The following CD53 variants were observed in gnomAD, a reference collection of about 807,000 sequenced individuals.
CD53 encodes the protein leukocyte surface antigen CD53.
Under a neutral mutation model 27.3 loss-of-function variants are expected in CD53, and 20 were observed. The observed-to-expected ratio is 0.73, with a 90% CI of 0.52 to 1.07. CD53 has a LOEUF of 1.07. CD53 is among the 50% of genes least tolerant of loss of function. CD53 has a pLI of 0.00. For missense variants in CD53, 216 were observed against 264.0 expected, an observed-to-expected ratio of 0.82 and a Z score of 1.26; for synonymous variants, 106 against 105.3, an observed-to-expected ratio of 1.01 and a Z score of -0.04.
intron 1 of CD53, among the ~76,000 whole-genome samples, chr1:110,878,914 G>A (rs771257585): frequency 6.6e-6 from 1 of 152,122 alleles, no homozygotes; most frequent in African/African-American, 2.4e-5. Context: ...TACAGAAACT[G>A]TACTTGCATT....
chr1:110,899,181 A>G lies in CD53; in HGVS notation c.646A>G (p.Thr216Ala). 2.5e-6 allele frequency: 4 copies of G among 1,613,032 alleles called. No individual in the cohort carries two copies. Among genetic ancestry groups the G allele is most frequent in the Non-Finnish European group, 3.4e-6 (4 of 1,179,054 alleles). ...LNCQIDKTSQ[T>A]IGL ...CTGCCAGATTGACAAAACCAGCCAG[A>G]CCATAGGGCTATGATCTGCAGTAGT... The change falls in exon 8 of 8, where the codon ACC becomes GCC. Residue 216 changes from threonine to alanine, a missense_variant. By Grantham distance (58) the Thr-to-Ala change is moderately conservative. Coordinates refer to ENST00000271324, the MANE Select transcript of CD53 (RefSeq NM_000560.4).
intron 1 of CD53, among the ~76,000 whole-genome samples, chr1:110,878,763 T>A (rs930739141): frequency 6.6e-6 from 1 of 152,204 alleles, no homozygotes; most frequent in Non-Finnish European, 1.5e-5. Context: ...TGTGCTTACA[T>A]TTGCCTTTTA....
chr1:110,897,526 G>A (rs1442396056), intron 6 of CD53: 3 of 273,138 alleles, frequency 1.1e-5, no homozygotes, highest in Non-Finnish European at 2.1e-5. Flanking sequence ...GTAGGACGTC[G>A]GTTGCTGACC....
At chr1:110,894,864 G>C (rs1656995612) in intron 4 of CD53, 96 bp from the exon 5 acceptor site, 1 of 885,248 alleles carries the variant, frequency 1.1e-6, no homozygotes, top group Admixed American at 1.8e-5. Context: ...TGGAAGGGAA[G>C]CGCAAGTGGA....
chr1:110,888,191 A>G (rs551494452), intron 1 of CD53, among the ~76,000 whole-genome samples: 1 of 152,354 alleles, frequency 6.6e-6, no homozygotes, highest in South Asian at 2.1e-4. Flanking sequence ...TCTGACCTTC[A>G]GAACTGTAAA....
At chr1:110,877,574 G>A (rs529902387) in intron 1 of CD53, among the ~76,000 whole-genome samples, 15 of 152,294 alleles carry the variant, frequency 9.8e-5, no homozygotes, top group African/African-American at 3.6e-4. Context: ...GGGAGGAAGT[G>A]AGCTTCCAAG....
intron 1 of CD53, among the ~76,000 whole-genome samples, chr1:110,889,643 G>A (rs1466781729): frequency 6.6e-6 from 1 of 152,104 alleles, no homozygotes; most frequent in African/African-American, 2.4e-5. Context: ...CTGTATGCCA[G>A]TCTGTGTGAT....
chr1:110,874,438 C>T (rs745375753), intron 1 of CD53, among the ~76,000 whole-genome samples: 48 of 152,128 alleles, frequency 3.2e-4, no homozygotes, highest in Non-Finnish European at 3.4e-4. Context: ...AGCAAACAGT[C>T]CTACTCTTAA....
At chr1:110,896,553 TAG>T (rs1158925894) in intron 5 of CD53, 98 bp from the exon 6 acceptor site, 12 of 1,070,076 alleles carry the variant, frequency 1.1e-5, no homozygotes, top group Non-Finnish European at 1.7e-5. Flanking sequence ...ACTTCTGCTA[TAG>T]AGTCAGATCT....
At chr1:110,883,446 T>C (rs1378199779) in intron 1 of CD53, among the ~76,000 whole-genome samples, 1 of 152,002 alleles carries the variant, frequency 6.6e-6, no homozygotes, top group East Asian at 1.9e-4. Context: ...CGTTAGATGC[T>C]TTTTACTAAA....
At chr1:110,880,212 G>A (rs1222502381) in intron 1 of CD53, 1 of 152,152 alleles carries the variant, frequency 6.6e-6, no homozygotes, top group Non-Finnish European at 1.5e-5. Context: ...CTAGATGGTA[G>A]TTGGAAGGGG....
chr1:110,888,631 G>A (rs941591579), intron 1 of CD53, among the ~76,000 whole-genome samples: 6 of 151,966 alleles, frequency 3.9e-5, no homozygotes, highest in African/African-American at 7.3e-5. Flanking sequence ...ATATTTTTAC[G>A]TTAAGAAAAG....
intron 1 of CD53, among the ~76,000 whole-genome samples, chr1:110,890,581 G>GAGAGAA (rs145610379): frequency 0.62 from 92,724 of 149,680 alleles, 30,472 homozygotes; most frequent in Non-Finnish European, 0.74. Context: ...AAGAAAGAAA[G>GAGAGAA]AGAGAAAGAG....
chr1:110,897,954 G>A lies in CD53; in HGVS notation c.588+62G>A. 6.8e-6 allele frequency: 6 copies of A among 882,594 alleles called. No individual in the cohort carries two copies. In the South Asian group the frequency reaches 7.4e-5, roughly 11 times the overall value. The allele number at this position is 882,594 out of a possible 1,614,324, so 54.7% of individuals were successfully genotyped here. ...ATGAGTTAAGTCAGGTAAGATTTCA[G>A]AATAATACCAGGTACACAGTATTTA... On this transcript the variant is annotated intron_variant, in intron 7 of 7. Transcript: ENST00000271324.
intron 1 of CD53, among the ~76,000 whole-genome samples, chr1:110,874,836 T>A (rs1181671100): frequency 1.3e-5 from 2 of 152,216 alleles, no homozygotes; most frequent in African/African-American, 4.8e-5. Flanking sequence ...TTTTGTGCCC[T>A]CTGATTGACC....
upstream of CD53, among the ~76,000 whole-genome samples, chr1:110,871,784 T>C (rs1655974568): frequency 6.8e-6 from 1 of 146,238 alleles, no homozygotes; most frequent in African/African-American, 2.6e-5. Flanking sequence ...AAAGTGTAGT[T>C]ACACTGAAAA....
chr1:110,897,900 C>A lies in CD53; in HGVS notation c.588+8C>A, dbSNP rs1657132005. 2.6e-6 allele frequency: 4 copies of A among 1,544,506 alleles called. No individual in the cohort carries two copies. The highest frequency in any genetic ancestry group is 2.3e-5 in the South Asian group (2 of 88,654). ...TGTGTATGTGTGATTGAGGTAAGAG[C>A]TTAACCACAGGGTTATTGTGAGGAT... On this transcript the variant is annotated splice_region_variant and intron_variant, in intron 7 of 7. Transcript: ENST00000271324.
intron 3 of CD53, 163 bp from the exon 4 acceptor site, chr1:110,894,163 AG>A: frequency 1.6e-6 from 1 of 633,768 alleles, no homozygotes; most frequent in Non-Finnish European, 2.9e-6. Flanking sequence ...TTGTAGAAAA[AG>A]AACACATATT....
At chr1:110,886,144 AT>A (rs556501901) in intron 1 of CD53, among the ~76,000 whole-genome samples, 11 of 151,802 alleles carry the variant, frequency 7.2e-5, no homozygotes, top group Non-Finnish European at 1.0e-4. Context: ...TAGTATGACA[AT>A]TTTTTTTCTT....
Sources: allele counts gnomAD v4.1 joint callset (sites outside exome capture counted in the v4.1 genomes callset), GRCh38; gene constraint gnomAD v4.1.1; transcripts MANE v1.5; gene names NCBI Gene and HGNC (gene_info 2026-07-23, HGNC 2026-07-21).